Variants in ACTR3C observed in about 807,000 individuals in gnomAD.
ACTR3C encodes actin related protein 3C, also known as actin-related protein 3C.
ACTR3C carries 18 observed loss-of-function variants against 26.3 expected under a neutral mutation model. That is an observed-to-expected ratio of 0.68 (90% CI 0.47 to 1.01). The LOEUF (loss-of-function observed/expected upper bound fraction) is 1.01. Among genes scored for constraint, ACTR3C ranks in the 50% least tolerant of loss-of-function variants. The pLI, the probability that ACTR3C is intolerant of heterozygous loss-of-function variation, is 0.00. For synonymous variants in ACTR3C, 55 were observed against 94.5 expected, an observed-to-expected ratio of 0.58 and a Z score of 2.42; for missense variants, 184 against 250.7, an observed-to-expected ratio of 0.73 and a Z score of 1.80.
the ACTR3C span, among the ~76,000 whole-genome samples, chr7:149,889,366 G>T: frequency 6.6e-6 from 1 of 152,134 alleles, no homozygotes; most frequent in South Asian, 2.1e-4. Flanking sequence ...TCTAAATCAG[G>T]CTGGGAAAAG....
At chr7:150,228,846 T>G in the ACTR3C span, among the ~76,000 whole-genome samples, 1 of 149,162 alleles carries the variant, frequency 6.7e-6, no homozygotes, top group African/African-American at 2.5e-5. Context: ...AAAATTTATG[T>G]ATAATACTAT....
At chr7:150,154,775 C>A in the ACTR3C span, among the ~76,000 whole-genome samples, 4 of 151,990 alleles carry the variant, frequency 2.6e-5, no homozygotes, top group African/African-American at 4.8e-5. Flanking sequence ...TGTAATTTAG[C>A]CACATGCAGA....
the ACTR3C span, among the ~76,000 whole-genome samples, chr7:149,913,128 T>G: frequency 1.1e-3 from 166 of 152,190 alleles, 2 homozygotes; most frequent in South Asian, 0.033. Flanking sequence ...GTAGATGTCA[T>G]CTAAAAAGTA....
At chr7:150,180,367 G>A in the ACTR3C span, among the ~76,000 whole-genome samples, 25 of 150,558 alleles carry the variant, frequency 1.7e-4, 2 homozygotes, top group African/African-American at 5.7e-4. Context: ...TTTACATAAA[G>A]TGCTAAATTC....
At chr7:149,960,522 CA>C in the ACTR3C span, among the ~76,000 whole-genome samples, 1 of 152,118 alleles carries the variant, frequency 6.6e-6, no homozygotes, top group Non-Finnish European at 1.5e-5. Context: ...TACATCCTTT[CA>C]GTTAGGGAAC....
the ACTR3C span, among the ~76,000 whole-genome samples, chr7:149,994,740 G>C: frequency 6.6e-6 from 1 of 151,898 alleles, no homozygotes; most frequent in Admixed American, 6.6e-5. Context: ...CAAGTGCCTA[G>C]AAAATCTTGG....
chr7:150,073,968 C>A, the ACTR3C span: 1 of 152,288 alleles, frequency 6.6e-6, no homozygotes, highest in South Asian at 2.1e-4. Flanking sequence ...TTTGCTCTTA[C>A]CCAGTTAAAC....
chr7:150,019,517 G>A, the ACTR3C span, among the ~76,000 whole-genome samples: 3 of 150,414 alleles, frequency 2.0e-5, no homozygotes, highest in South Asian at 4.2e-4. Flanking sequence ...GCTTGAACCC[G>A]GGAGGCAGAG....
the ACTR3C span, among the ~76,000 whole-genome samples, chr7:150,036,731 C>T: frequency 7.2e-6 from 1 of 137,994 alleles, no homozygotes; most frequent in African/African-American, 2.5e-5. Context: ...GCGTTCGGAC[C>T]CGTCGGATCG....
the ACTR3C span, among the ~76,000 whole-genome samples, chr7:150,079,755 A>G: frequency 1.3e-5 from 2 of 152,230 alleles, no homozygotes; most frequent in East Asian, 3.9e-4. Flanking sequence ...TTGGTCACCA[A>G]GGAGTCTTGC....
the ACTR3C span, among the ~76,000 whole-genome samples, chr7:149,976,321 T>C: frequency 6.6e-6 from 1 of 152,132 alleles, no homozygotes; most frequent in Non-Finnish European, 1.5e-5. Context: ...AAGCCTGTAA[T>C]CCCAGCACTT....
At chr7:150,186,191 A>G in the ACTR3C span, among the ~76,000 whole-genome samples, 45 of 152,132 alleles carry the variant, frequency 3.0e-4, no homozygotes, top group African/African-American at 1.0e-3. Context: ...TCTCTCTTCT[A>G]AAACAATTTA....
chr7:149,933,608 A>C, the ACTR3C span, among the ~76,000 whole-genome samples: 2 of 152,244 alleles, frequency 1.3e-5, no homozygotes, highest in Non-Finnish European at 2.9e-5. Context: ...TGAAGTACAA[A>C]CCCCAAACAT....
At chr7:149,891,184 T>A in the ACTR3C span, 2 of 785,110 alleles carry the variant, frequency 2.5e-6, no homozygotes, top group Non-Finnish European at 4.1e-6. Context: ...TAGTTCCAGT[T>A]ACTCACCATT....
the ACTR3C span, among the ~76,000 whole-genome samples, chr7:150,161,151 C>T: frequency 5.3e-3 from 778 of 147,646 alleles, 6 homozygotes; most frequent in African/African-American, 0.018. Flanking sequence ...TTCTTCCTGA[C>T]ATCAGATATG....
the ACTR3C span, among the ~76,000 whole-genome samples, chr7:150,038,076 C>CG: frequency 4.5e-5 from 6 of 134,594 alleles, 1 homozygote; most frequent in East Asian, 2.1e-4. Context: ...CCCCACCTCG[C>CG]GGGGGGTGCC....
chr7:150,043,274 G>A, the ACTR3C span, among the ~76,000 whole-genome samples: 22 of 151,198 alleles, frequency 1.5e-4, no homozygotes, highest in South Asian at 2.1e-4. Flanking sequence ...CCCGATGGGC[G>A]TCCTAAGCCA....
At chr7:150,043,455 T>C in the ACTR3C span, among the ~76,000 whole-genome samples, 358 of 152,340 alleles carry the variant, frequency 2.4e-3, no homozygotes, top group Non-Finnish European at 3.9e-3. Context: ...TTGCTTCTTG[T>C]ACTAGCTGGG....
the ACTR3C span, among the ~76,000 whole-genome samples, chr7:149,893,825 T>C: frequency 2.0e-5 from 3 of 152,214 alleles, no homozygotes; most frequent in African/African-American, 7.2e-5. Flanking sequence ...CTAGATAAAA[T>C]TTCTCTGAAT....
Sources: gnomAD v4.1 joint callset for allele counts (sites outside exome capture counted in the v4.1 genomes callset) on GRCh38, gnomAD v4.1.1 for gene constraint, MANE v1.5 for transcripts, NCBI Gene and HGNC (gene_info 2026-07-23, HGNC 2026-07-21) for gene names.